The following CREG2 variants were observed in gnomAD, a reference collection of about 807,000 sequenced individuals.
The protein encoded by CREG2 is cellular repressor of E1A stimulated genes 2.
Under a neutral mutation model 26.2 loss-of-function variants are expected in CREG2, and 24 were observed. That is an observed-to-expected ratio of 0.92 (90% CI 0.66 to 1.29). The LOEUF (loss-of-function observed/expected upper bound fraction) is 1.29. Among genes scored for constraint, CREG2 ranks in the 50% most tolerant of loss-of-function variants. The pLI is 0.00. For missense variants in CREG2, 366 were observed against 398.6 expected (o/e 0.92, Z 0.70); for synonymous variants, 174 against 169.2 (o/e 1.03, Z -0.22).
Position 101,387,310 on chromosome 2 carries a change from G to GCTCCTCGTCCAC in CREG2, c.136_147dup (p.Val46_Glu49dup). 1 of 1,494,622 alleles carries GCTCCTCGTCCAC rather than the reference G, an allele frequency of 6.7e-7. No homozygotes were observed. The allele number at this position is 1,494,622 out of a possible 1,614,324, so 92.6% of individuals were successfully genotyped here. On this transcript the variant is annotated inframe_insertion, in exon 1 of 4. Coordinates refer to ENST00000324768, the MANE Select transcript of CREG2 (RefSeq NM_153836.4). The surrounding 1 kb of genome is among the most constrained non-coding windows in gnomAD (Gnocchi z 4.7). ...GCCTCCTCAGTGGAGGCGCTGTCCA[G>GCTCCTCGTCCAC]CTCCTCGTCCACCTCGTTGGTGACG...
intron 2 of CREG2, among the ~76,000 whole-genome samples, chr2:101,374,548 A>G (rs1363628092): frequency 2.0e-5 from 3 of 152,388 alleles, no homozygotes; most frequent in East Asian, 3.9e-4. Context: ...TTCAGTTTCT[A>G]TAACCGATTA....
rs1194727470 is a variant in CREG2, at chr2:101,387,073, A to G, written c.385T>C (p.Ser129Pro). ...CCCCAGACGCTGGCATGGGCCAGGG[A>G]GCGGGCGGTGGCGGCGCGCAGTCTA... ...GPRLRAATAR[S>P]LAHASVWGCL... Residue 129 changes from serine (S) to proline (P), a missense_variant, in exon 1 of 4, where the codon TCC becomes CCC. Physicochemically the swap from Ser to Pro is moderately conservative, Grantham distance 74 (BLOSUM62 -1). Around this residue, in one of 3 missense-constraint regions of CREG2, gnomAD observed 15 missense variants for 37.2 expected, o/e 0.40. Coordinates refer to ENST00000324768, the MANE Select transcript of CREG2 (RefSeq NM_153836.4). This position sits in a 1 kb window ranked among gnomAD's most constrained non-coding sequence, Gnocchi z 4.7. 2 of 1,233,768 alleles carry G rather than the reference A, an allele frequency of 1.6e-6. No homozygotes were observed. Among genetic ancestry groups the G allele is most frequent in the Middle Eastern group, 3.1e-4 (1 of 3,222 alleles). 76.4% of individuals were successfully genotyped at this position (1,233,768 alleles called of 1,614,324 possible). A position where few individuals can be genotyped will look rare whatever the true frequency, so the allele number is the denominator to read the frequency against.
At chr2:101,363,789 G>A (rs7571541) in intron 2 of CREG2, among the ~76,000 whole-genome samples, 61,148 of 151,584 alleles carry the variant, frequency 0.4, 13,606 homozygotes, top group East Asian at 0.61. Flanking sequence ...GACTGAGGCT[G>A]CAGTGAGCTA....
At chr2:101,383,750 C>T (rs755044821) in intron 1 of CREG2, 48 bp from the exon 2 acceptor site, 137 of 1,515,296 alleles carry the variant, frequency 9.0e-5, no homozygotes, top group Non-Finnish European at 1.5e-5. Context: ...TGTGGCTCGA[C>T]TTGATCTGGG....
chr2:101,364,024 G>A (rs955470312), intron 2 of CREG2, among the ~76,000 whole-genome samples: 1 of 152,176 alleles, frequency 6.6e-6, no homozygotes, highest in Admixed American at 6.5e-5. Flanking sequence ...GGAGCATCTT[G>A]GTTGTCACAG....
rs747798958 is a variant in CREG2 at position 101,346,412 on chromosome 2, T to A, written c.*4511A>T. 16 of 152,242 alleles carry A rather than the reference T, an allele frequency of 1.1e-4. No homozygotes were observed. Among genetic ancestry groups the A allele is most frequent in the Non-Finnish European group, 1.5e-4 (10 of 68,040 alleles). The allele number at this position is 152,242 out of a possible 1,614,324, so 9.4% of individuals were successfully genotyped here. On this transcript the variant is annotated 3_prime_UTR_variant, in exon 4 of 4. Transcript: ENST00000324768. Reference sequence around the variant, plus strand: ...CATTATATACACACTTGGATACTTATATACACCTATAGCTTACTCAACGTG... The same window carrying A: ...CATTATATACACACTTGGATACTTAAATACACCTATAGCTTACTCAACGTG...
At chr2:101,361,400 G>A (rs1573305676) in intron 2 of CREG2, among the ~76,000 whole-genome samples, 1 of 152,182 alleles carries the variant, frequency 6.6e-6, no homozygotes, top group Non-Finnish European at 1.5e-5. Flanking sequence ...GGATGATTTG[G>A]CTGAGCCCAA....
At chr2:101,385,468 A>T (rs1684955399) in intron 1 of CREG2, among the ~76,000 whole-genome samples, 1 of 152,198 alleles carries the variant, frequency 6.6e-6, no homozygotes. Context: ...GGTGTGAGCC[A>T]CGACGCCTGG....
intron 2 of CREG2, among the ~76,000 whole-genome samples, chr2:101,362,560 G>A (rs938756051): frequency 8.5e-5 from 13 of 152,086 alleles, no homozygotes; most frequent in African/African-American, 2.9e-4. Context: ...CAATCAATGA[G>A]CTATTTTTCA....
chr2:101,369,347 C>A (rs1684668611), intron 2 of CREG2, among the ~76,000 whole-genome samples: 1 of 152,124 alleles, frequency 6.6e-6, no homozygotes, highest in East Asian at 1.9e-4. Context: ...GGAGCCACAG[C>A]TGGCAGCTGA....
chr2:101,355,238 A>G lies in CREG2; in HGVS notation c.725+15T>C. 2 of 1,516,960 alleles carry G rather than the reference A, an allele frequency of 1.3e-6. No individual in the cohort carries two copies. Among genetic ancestry groups the G allele is most frequent in the Non-Finnish European group, 1.8e-6 (2 of 1,091,672 alleles). The allele number at this position is 1,516,960 out of a possible 1,614,324, so 94.0% of individuals were successfully genotyped here. ...GTGTATTTCTGGGCATATAAATTTT[A>G]AAGCATTTACACACCTTGAAAACAT... On this transcript the variant is annotated intron_variant, in intron 3 of 3. Transcript: ENST00000324768.
chr2:101,360,561 C>T (rs921759133), intron 2 of CREG2, among the ~76,000 whole-genome samples: 3 of 152,026 alleles, frequency 2.0e-5, no homozygotes, highest in African/African-American at 7.2e-5. Context: ...ATGGGTGAAA[C>T]TCTGTCTCTA....
chr2:101,363,169 G>T (rs1266643099), intron 2 of CREG2, among the ~76,000 whole-genome samples: 1 of 152,214 alleles, frequency 6.6e-6, no homozygotes, highest in Non-Finnish European at 1.5e-5. Flanking sequence ...TTCTTAGCGG[G>T]TGGGTTTCAT....
chr2:101,352,533 C>T (rs1457414571), intron 3 of CREG2, among the ~76,000 whole-genome samples: 4 of 152,090 alleles, frequency 2.6e-5, no homozygotes, highest in Non-Finnish European at 4.4e-5. Flanking sequence ...CCTGGCTGGG[C>T]GTAGTGGTTC....
At position 101,349,804 on chromosome 2, in the gene CREG2, A is replaced by G. The variant is rs1684350858; in HGVS notation, c.*1119T>C. 6.6e-6 allele frequency: 1 copy of G among 152,002 alleles called. No homozygotes were observed. The highest frequency in any genetic ancestry group is 2.1e-4 in the South Asian group (1 of 4,824). 9.4% of individuals were successfully genotyped at this position (152,002 alleles called of 1,614,324 possible). A position where few individuals can be genotyped will look rare whatever the true frequency, so the allele number is the denominator to read the frequency against. ...GGCAAGCTAGTCCTTCTTTTTTACA[A>G]TCACTTTACTGATTTTCCTGGTTCA... On this transcript the variant is annotated 3_prime_UTR_variant, in exon 4 of 4. Transcript: ENST00000324768.
intron 2 of CREG2, among the ~76,000 whole-genome samples, chr2:101,374,918 G>A (rs871901): frequency 0.017 from 2,601 of 152,246 alleles, 62 homozygotes; most frequent in East Asian, 0.067. Flanking sequence ...TAAACTTGGT[G>A]CACCCTCATT....
intron 2 of CREG2, among the ~76,000 whole-genome samples, chr2:101,357,046 G>C (rs961916409): frequency 6.6e-6 from 1 of 152,038 alleles, no homozygotes; most frequent in African/African-American, 2.4e-5. Flanking sequence ...TGCACCACAC[G>C]CCCGGCTAAT....
chr2:101,379,969 T>TTCTA (rs34370954), intron 2 of CREG2, among the ~76,000 whole-genome samples: 58,801 of 147,658 alleles, frequency 0.4, 11,785 homozygotes, highest in South Asian at 0.43. Flanking sequence ...GTGTGAAAGC[T>TTCTA]TCTATCTATC....
chr2:101,376,787 A>C (rs904587664), intron 2 of CREG2, among the ~76,000 whole-genome samples: 39 of 152,202 alleles, frequency 2.6e-4, no homozygotes. Context: ...TTTCTCCTTT[A>C]TTTGCCCCGG....
Sources: allele counts gnomAD v4.1 joint callset (sites outside exome capture counted in the v4.1 genomes callset), GRCh38; gene constraint gnomAD v4.1.1; regional missense constraint gnomAD v4.1.1; non-coding constraint Gnocchi (gnomAD v3.1); transcripts MANE v1.5; gene names NCBI Gene and HGNC (gene_info 2026-07-23, HGNC 2026-07-21).